Variants in PSD3 observed in about 807,000 individuals in gnomAD.
PSD3 encodes the protein PH and SEC7 domain-containing protein 3.
Under a neutral mutation model 105.5 loss-of-function variants are expected in PSD3, and 49 were observed. That is an observed-to-expected ratio of 0.46 (90% CI 0.37 to 0.59). The LOEUF is 0.59. Ranked by LOEUF, PSD3 falls within the 20% of genes least tolerant of loss-of-function variation. The probability of loss-of-function intolerance (pLI) is 0.00; values close to 1 mark genes in which losing one functional copy is unlikely to be tolerated. For missense variants in PSD3, 1,561 were observed against 1,263.8 expected (o/e 1.24, Z -3.57); for synonymous variants, 557 against 457.8 (o/e 1.22, Z -2.77).
intron 9 of PSD3, among the ~76,000 whole-genome samples, chr8:18,680,810 T>C (rs1207134499): frequency 6.6e-6 from 1 of 152,196 alleles, no homozygotes. Context: ...AACCATAAAG[T>C]ACTGGAAAAT....
chr8:18,750,238 C>G (rs907495382), intron 9 of PSD3, among the ~76,000 whole-genome samples: 1 of 152,174 alleles, frequency 6.6e-6, no homozygotes, highest in South Asian at 2.1e-4. Context: ...CGCGGACCCT[C>G]GCGGTGAGTG....
intron 8 of PSD3, among the ~76,000 whole-genome samples, chr8:18,791,004 A>G (rs1809669696): frequency 6.6e-6 from 1 of 152,222 alleles, no homozygotes; most frequent in South Asian, 2.1e-4. Context: ...ATACCTAGGA[A>G]TACAGCTAAC....
chr8:18,599,918 G>C (rs952237249), intron 12 of PSD3, among the ~76,000 whole-genome samples: 1 of 152,144 alleles, frequency 6.6e-6, no homozygotes, highest in Non-Finnish European at 1.5e-5. Flanking sequence ...GTCACAGTAA[G>C]AGATTAACCA....
At chr8:18,912,204 A>G (rs1333804018) in intron 2 of PSD3, among the ~76,000 whole-genome samples, 1 of 152,250 alleles carries the variant, frequency 6.6e-6, no homozygotes, top group Non-Finnish European at 1.5e-5. Context: ...ATTAAGATAT[A>G]ACAGGGAATA....
chr8:18,774,749 A>G (rs1807875387), intron 8 of PSD3: 10 of 381,692 alleles, frequency 2.6e-5, no homozygotes, highest in South Asian at 2.0e-4. Context: ...TGACGGTGAG[A>G]ACACAGGCAA....
chr8:18,546,874 G>T (rs1288485674), intron 15 of PSD3, among the ~76,000 whole-genome samples: 1 of 152,112 alleles, frequency 6.6e-6, no homozygotes, highest in African/African-American at 2.4e-5. Context: ...CATATAAGTT[G>T]CACAGGCTAT....
chr8:18,961,337 G>C (rs1823903169), intron 1 of PSD3, among the ~76,000 whole-genome samples: 1 of 152,094 alleles, frequency 6.6e-6, no homozygotes. Context: ...CACAAAGAAG[G>C]TTACTAGTCA....
At chr8:18,564,592 G>A (rs1170651695) in intron 14 of PSD3, among the ~76,000 whole-genome samples, 2 of 149,318 alleles carry the variant, frequency 1.3e-5, no homozygotes, top group East Asian at 4.0e-4. Flanking sequence ...TGGCACCACT[G>A]CACTCCAGCC....
chr8:19,019,095 A>G (rs758372411), intron 1 of PSD3, among the ~76,000 whole-genome samples: 8 of 152,198 alleles, frequency 5.3e-5, no homozygotes, highest in Non-Finnish European at 8.8e-5. Flanking sequence ...GCGCCCAGCC[A>G]GAAGATAAGT....
rs1801026935 is a variant in PSD3 at position 18,692,516 on chromosome 8, A to T, written c.2173-36831T>A. Reference sequence around the variant, plus strand: ...GCCAAGGCCCTCTGACGGAGGGGTAAAAGGTAAAAGCAGGAGCAACCAGAA... The same window carrying T: ...GCCAAGGCCCTCTGACGGAGGGGTATAAGGTAAAAGCAGGAGCAACCAGAA... On this transcript the variant is annotated intron_variant, in intron 9 of 15. Transcript: ENST00000327040. Among the ~76,000 whole-genome samples, 5 of 152,284 alleles carry T rather than the reference A, an allele frequency of 3.3e-5. No individual in the cohort carries two copies. The South Asian group carries it at 1.0e-3, about 32-fold the overall frequency.
At chr8:18,625,128 C>T (rs919010767) in intron 11 of PSD3, among the ~76,000 whole-genome samples, 6 of 151,864 alleles carry the variant, frequency 4.0e-5, no homozygotes, top group Non-Finnish European at 2.9e-5. Flanking sequence ...CCTTGTTTCT[C>T]AAATTTTTAT....
chr8:18,648,281 T>C (rs1808205789), intron 10 of PSD3, among the ~76,000 whole-genome samples: 1 of 152,174 alleles, frequency 6.6e-6, no homozygotes, highest in African/African-American at 2.4e-5. Flanking sequence ...AAAATGCTGA[T>C]AGTGATACGG....
intron 1 of PSD3, among the ~76,000 whole-genome samples, chr8:18,984,856 C>A (rs1247835426): frequency 6.6e-6 from 1 of 152,182 alleles, no homozygotes; most frequent in Non-Finnish European, 1.5e-5. Flanking sequence ...CAGCCAGTTT[C>A]CCCTCATAGA....
intron 1 of PSD3, among the ~76,000 whole-genome samples, chr8:19,074,619 T>A (rs1206861869): frequency 7.1e-4 from 55 of 77,996 alleles, no homozygotes; most frequent in Middle Eastern, 6.4e-3. Context: ...ATATTTTTTT[T>A]TTTTTTTTTT....
Position 18,538,962 on chromosome 8 carries a change from G to A in PSD3, c.2929-3004C>T, listed in dbSNP as rs902747706. On this transcript the variant is annotated intron_variant, in intron 15 of 15. Transcript: ENST00000327040. ...CAAAGCCTGCCCTGCTGTTAAGGAA[G>A]CCTTCGAGGGTTGATGAGTTTGCAA... Among the ~76,000 whole-genome samples the A allele has an allele frequency of 2.0e-5, 3 of 152,184 alleles. No individual in the cohort carries two copies. The East Asian group carries it at 5.8e-4, about 29-fold the overall frequency.
At chr8:18,581,854 C>A (rs954330168) in intron 12 of PSD3, among the ~76,000 whole-genome samples, 1 of 152,130 alleles carries the variant, frequency 6.6e-6, no homozygotes, top group Non-Finnish European at 1.5e-5. Flanking sequence ...TCGTGATACT[C>A]CGTGGATTTA....
rs1214045916 is a variant in PSD3 at position 18,757,216 on chromosome 8, G to A, written c.2172+8233C>T. On this transcript the variant is annotated intron_variant, in intron 9 of 15. Transcript: ENST00000327040. ...GCCTGGAATCCCAGCACTTTGGGAG[G>A]CCGAGGTGGGTGGATCATTTGAGGT... is the stretch of plus-strand genomic sequence containing the variant. Among the ~76,000 whole-genome samples, 7 of 151,082 alleles carry A rather than the reference G, an allele frequency of 4.6e-5. No homozygotes were observed. The East Asian group carries it at 1.2e-3, about 25-fold the overall frequency.
At chr8:18,863,807 G>C (rs1403160430) in intron 4 of PSD3, among the ~76,000 whole-genome samples, 2 of 152,028 alleles carry the variant, frequency 1.3e-5, no homozygotes, top group African/African-American at 2.4e-5. Context: ...TTATAGATTT[G>C]GAATATTTTC....
intron 8 of PSD3, among the ~76,000 whole-genome samples, chr8:18,792,796 T>C (rs2129446504): frequency 6.6e-6 from 1 of 152,268 alleles, no homozygotes; most frequent in East Asian, 1.9e-4. Context: ...GAACTAGAAA[T>C]ACCATTTGAC....
Sources: gnomAD v4.1 joint callset for allele counts (sites outside exome capture counted in the v4.1 genomes callset) on GRCh38, gnomAD v4.1.1 for gene constraint, MANE v1.5 for transcripts, NCBI Gene and HGNC (gene_info 2026-07-23, HGNC 2026-07-21) for gene names.